Variants in PLEKHA7 observed in about 807,000 individuals in gnomAD.
The protein encoded by PLEKHA7 is pleckstrin homology domain-containing family A member 7.
Under a neutral mutation model 170.0 loss-of-function variants are expected in PLEKHA7, and 104 were observed. The ratio of observed to expected loss-of-function variants is 0.61; its 90% confidence interval spans 0.52 to 0.72. PLEKHA7 has a LOEUF of 0.72. PLEKHA7 is among the 30% of genes least tolerant of loss of function. The pLI is 0.00. For missense variants in PLEKHA7, 1,615 were observed against 1,671.7 expected (o/e 0.97, Z 0.59); for synonymous variants, 648 against 660.8 (o/e 0.98, Z 0.30).
At chr11:16,835,743 G>T (rs1851461268) in intron 9 of PLEKHA7, among the ~76,000 whole-genome samples, 1 of 152,198 alleles carries the variant, frequency 6.6e-6, no homozygotes, top group African/African-American at 2.4e-5. Context: ...GCATGGATTT[G>T]AACCCAGGTC....
intron 3 of PLEKHA7, among the ~76,000 whole-genome samples, chr11:16,954,208 G>A (rs1861566131): frequency 6.6e-6 from 1 of 152,028 alleles, no homozygotes; most frequent in South Asian, 2.1e-4. Flanking sequence ...CAGCACTATT[G>A]GAGCAAACAA....
chr11:16,901,743 C>T (rs1565093281), intron 3 of PLEKHA7, among the ~76,000 whole-genome samples: 2 of 152,132 alleles, frequency 1.3e-5, no homozygotes, highest in Non-Finnish European at 1.5e-5. Flanking sequence ...TGGTGGTGCA[C>T]GCCTATAGTC....
intron 5 of PLEKHA7, 91 bp downstream of exon 5, chr11:16,855,709 AAAC>A: frequency 1.0e-6 from 1 of 963,262 alleles, no homozygotes; most frequent in South Asian, 1.5e-5. Context: ...CTCTCTCACA[AAAC>A]TATAGTGAAG....
chr11:16,901,085 G>T (rs1053103621), intron 3 of PLEKHA7, among the ~76,000 whole-genome samples: 14 of 152,114 alleles, frequency 9.2e-5, no homozygotes, highest in Non-Finnish European at 2.9e-5. Flanking sequence ...GACCTCAGGT[G>T]ATCCGCCTGC....
At position 16,966,894 on chromosome 11, in the gene PLEKHA7, G is replaced by T. The variant is rs555857204; in HGVS notation, c.221+47095C>A. On this transcript the variant is annotated intron_variant, in intron 3 of 26. Transcript: ENST00000531066. ...GTTTCTACTGCCACCACCTTCACTG[G>T]GCTATCTCACAGCAAGAAGAGCTGC... Among the ~76,000 whole-genome samples the T allele has an allele frequency of 8.3e-4, 127 of 152,160 alleles. 1 individual carries two copies. The highest frequency in any genetic ancestry group is 6.8e-3 in the Middle Eastern group (2 of 294).
At chr11:16,894,406 G>A (rs547880383) in intron 3 of PLEKHA7, among the ~76,000 whole-genome samples, 3 of 152,364 alleles carry the variant, frequency 2.0e-5, no homozygotes, top group African/African-American at 7.2e-5. Flanking sequence ...CGTACCTGGA[G>A]TTTCCAGTGA....
At position 16,788,662 on chromosome 11, in the gene PLEKHA7, C is replaced by T. The variant is rs1018683660; in HGVS notation, c.3357+434G>A. 3.9e-5 allele frequency: 9 copies of T among 232,656 alleles called. No individual in the cohort carries two copies. The East Asian group carries it at 9.4e-4, about 24-fold the overall frequency. 14.4% of individuals were successfully genotyped at this position (232,656 alleles called of 1,614,324 possible). A position where few individuals can be genotyped will look rare whatever the true frequency, so the allele number is the denominator to read the frequency against. On this transcript the variant is annotated intron_variant, in intron 23 of 26. Transcript: ENST00000531066. The stretch of plus-strand genomic sequence containing the variant: ...GGCCCTTGGGGCAGGGGTGTGACCC[C>T]GTGCTCCATCACCCTCACACAGCAT...
intron 3 of PLEKHA7, among the ~76,000 whole-genome samples, chr11:16,937,941 AG>A (rs1275885830): frequency 6.6e-6 from 1 of 152,152 alleles, no homozygotes; most frequent in East Asian, 1.9e-4. Flanking sequence ...AAATCCAGAA[AG>A]CTTACCCTGT....
chr11:16,857,751 C>T lies in PLEKHA7; in HGVS notation c.306-1837G>A, dbSNP rs146859027. 8.6e-3 allele frequency among the ~76,000 whole-genome samples: 1,316 copies of T among 152,180 alleles called. 21 individuals carry two copies. The highest frequency in any genetic ancestry group is 0.029 in the African/African-American group (1,220 of 41,538). On this transcript the variant is annotated intron_variant, in intron 4 of 26. Coordinates refer to ENST00000531066, the MANE Select transcript of PLEKHA7 (RefSeq NM_001329630.2). The stretch of plus-strand genomic sequence containing the variant: ...TTGTTTGTTTTGAGATGGAGTTTCG[C>T]TCTGTCGCCCGGGCTGGAGCGCAGT...
chr11:16,925,912 G>A lies in PLEKHA7; in HGVS notation c.222-54730C>T, dbSNP rs558226226. 7.2e-5 allele frequency among the ~76,000 whole-genome samples: 11 copies of A among 152,354 alleles called. No homozygotes were observed. The South Asian group carries it at 2.3e-3, about 32-fold the overall frequency. On this transcript the variant is annotated intron_variant, in intron 3 of 26. Transcript: ENST00000531066. The stretch of plus-strand genomic sequence containing the variant: ...CAAGTGGGAGGGGTAGAGAGGCTGA[G>A]GAGGGGGAGGGAAAAGGGCGGAGGG...
intron 3 of PLEKHA7, among the ~76,000 whole-genome samples, chr11:16,977,472 T>C (rs2136796662): frequency 6.6e-6 from 1 of 152,270 alleles, no homozygotes; most frequent in East Asian, 1.9e-4. Flanking sequence ...TATGCCCCTA[T>C]TTATCCCTCC....
intron 4 of PLEKHA7, among the ~76,000 whole-genome samples, chr11:16,856,554 C>A (rs147200010): frequency 6.6e-6 from 1 of 152,238 alleles, no homozygotes; most frequent in Non-Finnish European, 1.5e-5. Flanking sequence ...AAGCCTTGGG[C>A]CCCCAGTAAG....
intron 3 of PLEKHA7, among the ~76,000 whole-genome samples, chr11:16,889,415 AAAAAAAT>A (rs1368874441): frequency 1.1e-4 from 13 of 116,658 alleles, no homozygotes; most frequent in African/African-American, 4.0e-4. Flanking sequence ...AAAAAAAAAA[AAAAAAAT>A]ATATATATAT....
Position 16,852,299 on chromosome 11 carries a change from G to A in PLEKHA7, c.579C>T (p.Cys193=), listed in dbSNP as rs1385517961. 6.2e-7 allele frequency: 1 copy of A among 1,613,988 alleles called. No homozygotes were observed. ...KRRWFVLADY[C]LFYYKDSREE... The stretch of plus-strand genomic sequence containing the variant: ...TTAGCTCACCTTTATAGTAAAATAA[G>A]CAGTAATCAGCAAGCACAAACCACC... The change falls in exon 7 of 27, where the codon TGC becomes TGT. Residue 193 remains cysteine (C), a synonymous_variant. Transcript: ENST00000531066.
chr11:16,817,225 A>G lies in PLEKHA7; in HGVS notation c.1441T>C (p.Ser481Pro). 1 of 1,613,882 alleles carries G rather than the reference A, an allele frequency of 6.2e-7. No homozygotes were observed. Among genetic ancestry groups the G allele is most frequent in the South Asian group, 1.1e-5 (1 of 91,046 alleles). ...QTLPKSTRHPSGGSSPPPRNL... is the reference protein window; with the variant it reads ...QTLPKSTRHPPGGSSPPPRNL... ...CGGGGAGGTGGCGAGGAGCCCCCCG[A>G]GGGGTGTCGGGTGCTCTTGGGAAGA... The change falls in exon 11 of 27, where the codon TCG becomes CCG. Residue 481 changes from serine to proline, a missense_variant. Ser to Pro is a moderately conservative substitution (Grantham distance 74). Transcript: ENST00000531066. This position sits in a 1 kb window ranked among gnomAD's most constrained non-coding sequence, Gnocchi z 4.4.
At position 16,789,911 on chromosome 11, in the gene PLEKHA7, G is replaced by C. The variant is rs771529807; in HGVS notation, c.3053-33C>G. ...AGGAAAGAGAAGTGCAAGCATGTTT[G>C]TGCTGGGGTGGATGGGTCCCTGCTT... On this transcript the variant is annotated intron_variant, in intron 21 of 26. Coordinates refer to ENST00000531066, the MANE Select transcript of PLEKHA7 (RefSeq NM_001329630.2). The surrounding 1 kb of genome is among the most constrained non-coding windows in gnomAD (Gnocchi z 4.6). 6.3e-7 allele frequency: 1 copy of C among 1,581,788 alleles called. No homozygotes were observed. The highest frequency in any genetic ancestry group is 8.7e-7 in the Non-Finnish European group (1 of 1,150,902).
chr11:16,854,159 GAGA>G (rs1239750241), intron 6 of PLEKHA7, among the ~76,000 whole-genome samples: 1 of 152,218 alleles, frequency 6.6e-6, no homozygotes, highest in Non-Finnish European at 1.5e-5. Flanking sequence ...CTGGCAAGGA[GAGA>G]AGGAGAGCAA....
chr11:16,812,223 T>C (rs1849417180), intron 13 of PLEKHA7, among the ~76,000 whole-genome samples: 2 of 152,220 alleles, frequency 1.3e-5, no homozygotes, highest in Admixed American at 6.5e-5. Context: ...TCTCCTTTCA[T>C]TGTGGGGAGA....
At chr11:16,902,934 A>C (rs554468282) in intron 3 of PLEKHA7, among the ~76,000 whole-genome samples, 1 of 152,352 alleles carries the variant, frequency 6.6e-6, no homozygotes, top group Admixed American at 6.5e-5. Flanking sequence ...GCTTTGAAAC[A>C]GCTCTTCCCA....
Sources: allele counts gnomAD v4.1 joint callset (sites outside exome capture counted in the v4.1 genomes callset), GRCh38; gene constraint gnomAD v4.1.1; non-coding constraint Gnocchi (gnomAD v3.1); transcripts MANE v1.5; gene names NCBI Gene and HGNC (gene_info 2026-07-23, HGNC 2026-07-21).